The following CRAMP1 variants were observed in gnomAD, a reference collection of about 807,000 sequenced individuals.
CRAMP1 encodes protein cramped-like.
Under a neutral mutation model 115.4 loss-of-function variants are expected in CRAMP1, and 50 were observed. The observed-to-expected ratio is 0.43, with a 90% CI of 0.35 to 0.55. CRAMP1 has a LOEUF of 0.55. CRAMP1 is among the 20% of genes least tolerant of loss of function. The pLI is 0.01. For missense variants in CRAMP1, 1,679 were observed against 1,721.7 expected, an observed-to-expected ratio of 0.98 and a Z score of 0.44; for synonymous variants, 866 against 745.4, an observed-to-expected ratio of 1.16 and a Z score of -2.64.
Position 1,659,962 on chromosome 16 carries a change from A to C in CRAMP1, c.2312A>C (p.Lys771Thr). The change falls in exon 11 of 21, where the codon AAG becomes ACG. Residue 771 changes from lysine to threonine, a missense_variant. Lys to Thr is a moderately conservative substitution (Grantham distance 78). Transcript: ENST00000397412. ...QEEQSMTPPG[K>T]VVTVSSRSPR... is the part of the protein sequence containing the mutation. ...GAGCAGTCGATGACGCCCCCAGGGAAGGTGGTGACCGTCAGCTCTCGCAGC... is the reference window on the plus strand; with the variant it reads ...GAGCAGTCGATGACGCCCCCAGGGACGGTGGTGACCGTCAGCTCTCGCAGC... The C allele has an allele frequency of 6.2e-7, 1 of 1,610,552 alleles. No homozygotes were observed. The highest frequency in any genetic ancestry group is 8.5e-7 in the Non-Finnish European group (1 of 1,179,812).
intron 13 of CRAMP1, among the ~76,000 whole-genome samples, chr16:1,663,610 T>C (rs2036850664): frequency 6.6e-6 from 1 of 152,234 alleles, no homozygotes; most frequent in Admixed American, 6.5e-5. Context: ...CATATCATAA[T>C]GTTTGCCCAT....
At chr16:1,667,631 AGCTCTGGAAGAACTTAGC>A (rs3830783) in intron 17 of CRAMP1, among the ~76,000 whole-genome samples, 3,354 of 152,240 alleles carry the variant, frequency 0.022, 233 homozygotes, top group Admixed American at 0.13. Context: ...TTTCAGACCC[AGCTCTGGAAGAACTTAGC>A]GCTCTGGAAG....
intron 6 of CRAMP1, among the ~76,000 whole-genome samples, chr16:1,644,447 T>C (rs1220001373): frequency 6.6e-6 from 1 of 152,174 alleles, no homozygotes; most frequent in African/African-American, 2.4e-5. Context: ...TGGCAGCTGA[T>C]GCATGTCCAT....
At chr16:1,659,441 A>C (rs1247532255) in intron 10 of CRAMP1, among the ~76,000 whole-genome samples, 1 of 151,582 alleles carries the variant, frequency 6.6e-6, no homozygotes, top group Non-Finnish European at 1.5e-5. Flanking sequence ...TCCAGGCTGG[A>C]GTGCAGTGGT....
rs1388860251 is a variant in CRAMP1, at chr16:1,672,121, G to T, written c.3645+1312G>T. Among the ~76,000 whole-genome samples the T allele has an allele frequency of 6.6e-6, 1 of 152,186 alleles. No individual in the cohort carries two copies. Among genetic ancestry groups the T allele is most frequent in the East Asian group, 1.9e-4 (1 of 5,192 alleles). On this transcript the variant is annotated intron_variant, in intron 20 of 20. Coordinates refer to ENST00000397412, the MANE Select transcript of CRAMP1 (RefSeq NM_020825.4). This position sits in a 1 kb window ranked among gnomAD's most constrained non-coding sequence, Gnocchi z 4.9. ...CATGCTCACGCCATGCTGTTGAAAG[G>T]ACGGGCCACAGCCCAGTGACAGGAG... is the stretch of plus-strand genomic sequence containing the variant.
intron 18 of CRAMP1, 113 bp from the exon 19 acceptor site, chr16:1,668,888 C>T: frequency 2.1e-6 from 2 of 961,610 alleles, no homozygotes; most frequent in South Asian, 1.5e-5. Flanking sequence ...CCATCTGGTT[C>T]AGCAGGGTAG....
intron 6 of CRAMP1, among the ~76,000 whole-genome samples, chr16:1,644,124 T>C (rs2036654948): frequency 1.3e-5 from 2 of 152,190 alleles, no homozygotes; most frequent in Non-Finnish European, 1.5e-5. Flanking sequence ...CAGTGCTGAC[T>C]CCTGGACCGA....
chr16:1,655,793 G>T, intron 9 of CRAMP1, 84 bp from the exon 10 acceptor site: 1 of 1,463,124 alleles, frequency 6.8e-7, no homozygotes, highest in Non-Finnish European at 9.3e-7. Flanking sequence ...AGTGGGGAGC[G>T]TGGCTCGTGT....
chr16:1,662,101 G>A (rs935353431), intron 11 of CRAMP1, among the ~76,000 whole-genome samples: 5 of 152,142 alleles, frequency 3.3e-5, no homozygotes, highest in Admixed American at 2.0e-4. Flanking sequence ...GAGACGGTGT[G>A]GTCTACAGAG....
At chr16:1,654,818 A>G (rs2036755679) in intron 8 of CRAMP1, among the ~76,000 whole-genome samples, 1 of 152,208 alleles carries the variant, frequency 6.6e-6, no homozygotes. Flanking sequence ...ATCATAGCGC[A>G]TCAGTACTTC....
intron 14 of CRAMP1, chr16:1,665,798 C>A: frequency 2.2e-6 from 1 of 462,648 alleles, no homozygotes; most frequent in East Asian, 3.8e-5. Context: ...GCTTGTCACC[C>A]TTCAAGAGCC....
intron 11 of CRAMP1, among the ~76,000 whole-genome samples, chr16:1,661,745 G>A (rs2036832279): frequency 6.6e-6 from 1 of 152,072 alleles, no homozygotes; most frequent in South Asian, 2.1e-4. Context: ...ACAGGCATGT[G>A]CCACCATGCT....
At chr16:1,627,570 G>A (rs1029635930) in intron 3 of CRAMP1, among the ~76,000 whole-genome samples, 3 of 152,198 alleles carry the variant, frequency 2.0e-5, no homozygotes, top group African/African-American at 4.8e-5. Flanking sequence ...ACTTGAGTAC[G>A]GTGCATGCTG....
chr16:1,613,849 C>G (rs1261425189), intron 1 of CRAMP1, among the ~76,000 whole-genome samples: 1 of 152,206 alleles, frequency 6.6e-6, no homozygotes, highest in Non-Finnish European at 1.5e-5. Flanking sequence ...GCATTTTTAA[C>G]TAGTAAATCC....
At chr16:1,613,919 A>C (rs939649016) in intron 1 of CRAMP1, among the ~76,000 whole-genome samples, 3 of 152,092 alleles carry the variant, frequency 2.0e-5, no homozygotes, top group Non-Finnish European at 4.4e-5. Flanking sequence ...GGAGCTGATT[A>C]TTCTTTATGT....
rs35510689 is a variant in CRAMP1 at position 1,634,026 on chromosome 16, C to CA, written c.694+1674dup. Among the ~76,000 whole-genome samples, 969 of 138,204 alleles carry CA rather than the reference C, an allele frequency of 7.0e-3. 9 individuals are homozygous for CA. Among genetic ancestry groups the CA allele is most frequent in the Admixed American group, 0.011 (152 of 13,910 alleles). The allele number at this position is 138,204 out of a possible 152,430, so 90.7% of individuals were successfully genotyped here. ...TTGGCCACAGAGCAAGACTCCGTCT[C>CA]AAAAAAAAAAAAAGAAAGAAAGTCA... is the stretch of plus-strand genomic sequence containing the variant. On this transcript the variant is annotated intron_variant, in intron 4 of 20. Transcript: ENST00000397412.
At chr16:1,640,431 T>G (rs1029117293) in intron 5 of CRAMP1, among the ~76,000 whole-genome samples, 6 of 152,188 alleles carry the variant, frequency 3.9e-5, no homozygotes, top group African/African-American at 1.4e-4. Context: ...TTGACAATTT[T>G]GTCTTTGGTT....
rs764073364 is a variant in CRAMP1, at chr16:1,655,209, G to A, written c.1038-10G>A. 5.1e-5 allele frequency: 83 copies of A among 1,611,988 alleles called. 1 individual carries two copies. The highest frequency in any genetic ancestry group is 6.6e-5 in the South Asian group (6 of 91,048). Reference sequence around the variant, plus strand: ...CGAACCTCACTTCCTCCTGTCTGTCGTCTCCGTAGGATGATCGTGGAGCTA... The same window carrying A: ...CGAACCTCACTTCCTCCTGTCTGTCATCTCCGTAGGATGATCGTGGAGCTA... On this transcript the variant is annotated splice_polypyrimidine_tract_variant and intron_variant, in intron 8 of 20. Coordinates refer to ENST00000397412, the MANE Select transcript of CRAMP1 (RefSeq NM_020825.4).
chr16:1,651,628 G>A (rs2036723914), intron 6 of CRAMP1, among the ~76,000 whole-genome samples: 2 of 143,976 alleles, frequency 1.4e-5, no homozygotes, highest in South Asian at 4.7e-4. Flanking sequence ...GGACTGAGAG[G>A]TCACCTAGAG....
Sources: gnomAD v4.1 joint callset for allele counts (sites outside exome capture counted in the v4.1 genomes callset) on GRCh38, gnomAD v4.1.1 for gene constraint, Gnocchi (gnomAD v3.1) non-coding constraint, MANE v1.5 for transcripts, NCBI Gene and HGNC (gene_info 2026-07-23, HGNC 2026-07-21) for gene names.